The following PLXNA2 variants were observed in gnomAD, a reference collection of about 807,000 sequenced individuals.
The protein encoded by PLXNA2 is plexin-A2.
A neutral mutation model predicts 193.5 loss-of-function variants in PLXNA2; 91 were observed. That is an observed-to-expected ratio of 0.47 (90% CI 0.40 to 0.56). The LOEUF is 0.56. PLXNA2 is among the 20% of genes least tolerant of loss of function. The pLI is 0.00. For missense variants in PLXNA2, 1,995 were observed against 2,503.2 expected (o/e 0.80, Z 4.33); for synonymous variants, 997 against 1,027.3 (o/e 0.97, Z 0.56).
intron 3 of PLXNA2, among the ~76,000 whole-genome samples, chr1:208,144,741 C>G (rs755417975): frequency 1.1e-4 from 17 of 152,196 alleles, no homozygotes; most frequent in Non-Finnish European, 2.5e-4. Context: ...ATGCTCCGCT[C>G]TTGCCCTCTT....
At chr1:208,215,429 A>G (rs1313384947) in intron 2 of PLXNA2, among the ~76,000 whole-genome samples, 1 of 152,266 alleles carries the variant, frequency 6.6e-6, no homozygotes, top group South Asian at 2.1e-4. Flanking sequence ...AGAGGGATGA[A>G]TGGATAGATG....
rs1325148339 is a variant in PLXNA2 at position 208,052,364 on chromosome 1, C to T, written c.2956G>A (p.Ala986Thr). The T allele has an allele frequency of 1.9e-6, 3 of 1,613,626 alleles. No individual in the cohort carries two copies. In the Admixed American group the frequency reaches 5.0e-5, roughly 27 times the overall value. ...GHYLGAGSSV[A>T]VYLGNQTCEF... The stretch of plus-strand genomic sequence containing the variant: ...CAGGTCTGGTTGCCCAGGTAGACTG[C>T]CACGCTGCTCCCAGCCCCAAGGTAA... Residue 986 changes from alanine to threonine, a missense_variant, in exon 15 of 32, where the codon GCA (alanine) becomes ACA (threonine). Ala to Thr is a moderately conservative substitution (Grantham distance 58, BLOSUM62 0). Transcript: ENST00000367033.
At chr1:208,054,294 T>C (rs1263505313) in intron 14 of PLXNA2, 127 bp downstream of exon 14, 3 of 634,460 alleles carry the variant, frequency 4.7e-6, no homozygotes, top group Non-Finnish European at 8.5e-6. Context: ...ATCTGGAGGG[T>C]CCTTTTCTCC....
chr1:208,026,317 A>G lies in PLXNA2; in HGVS notation c.*926T>C, dbSNP rs1664340431. 6.6e-6 allele frequency: 1 copy of G among 152,194 alleles called. No homozygotes were observed. 9.4% of individuals were successfully genotyped at this position (152,194 alleles called of 1,614,324 possible). ...CCACCTCACCCCACTTCTCATAGTA[A>G]CTTTAGGGAAATTGAAAGGAAACAT... On this transcript the variant is annotated 3_prime_UTR_variant, in exon 32 of 32. Transcript: ENST00000367033.
intron 3 of PLXNA2, among the ~76,000 whole-genome samples, chr1:208,187,887 T>C (rs188518965): frequency 7.2e-4 from 109 of 152,320 alleles, no homozygotes; most frequent in African/African-American, 2.5e-3. Context: ...CTTTCACACG[T>C]ATCATCTCAC....
Position 208,038,774 on chromosome 1 carries a change from T to C in PLXNA2, c.4660+51A>G. 1.3e-6 allele frequency: 2 copies of C among 1,576,938 alleles called. No homozygotes were observed. Among genetic ancestry groups the C allele is most frequent in the Non-Finnish European group, 1.7e-6 (2 of 1,153,274 alleles). On this transcript the variant is annotated intron_variant, in intron 25 of 31. Coordinates refer to ENST00000367033, the MANE Select transcript of PLXNA2 (RefSeq NM_025179.4). This position sits in a 1 kb window ranked among gnomAD's most constrained non-coding sequence, Gnocchi z 4.1. ...AGGGTTGTGTGCATGGCAGCTTCCC[T>C]TCCTTCACCTCTCAACCCCTGCCCT...
intron 4 of PLXNA2, among the ~76,000 whole-genome samples, chr1:208,109,137 G>A (rs976874951): frequency 6.6e-6 from 1 of 152,226 alleles, no homozygotes; most frequent in Non-Finnish European, 1.5e-5. Context: ...TGGGAGCCAG[G>A]TGGCAGGGGT....
chr1:208,117,386 A>G (rs905249320), intron 4 of PLXNA2, among the ~76,000 whole-genome samples: 54 of 152,136 alleles, frequency 3.5e-4, no homozygotes, highest in Non-Finnish European at 6.2e-4. Context: ...CAGCTGCACA[A>G]TGGTGGCAGG....
rs1268007205 is a variant in PLXNA2, at chr1:208,060,845, A to G, written c.2587-8T>C. Reference sequence around the variant, plus strand: ...TCCAGACACCGTCAAAATCTGCAGGAGGGAAATGGGATTAGCAATTTGGTT... The same window carrying G: ...TCCAGACACCGTCAAAATCTGCAGGGGGGAAATGGGATTAGCAATTTGGTT... On this transcript the variant is annotated splice_region_variant and splice_polypyrimidine_tract_variant and intron_variant, in intron 12 of 31. Transcript: ENST00000367033. 33 of 1,613,360 alleles carry G rather than the reference A, an allele frequency of 2.0e-5. No homozygotes were observed. Among genetic ancestry groups the G allele is most frequent in the Non-Finnish European group, 2.7e-5 (32 of 1,179,694 alleles).
chr1:208,168,600 G>T (rs148139306), intron 3 of PLXNA2, among the ~76,000 whole-genome samples: 121 of 152,222 alleles, frequency 7.9e-4, no homozygotes, highest in African/African-American at 2.8e-3. Context: ...CATACAGCTA[G>T]CCTGGGATAT....
intron 12 of PLXNA2, among the ~76,000 whole-genome samples, chr1:208,074,467 G>A (rs1359729986): frequency 6.6e-6 from 1 of 152,208 alleles, no homozygotes; most frequent in Non-Finnish European, 1.5e-5. Flanking sequence ...CAGAAGGTAA[G>A]TCCTGAGGGG....
In PLXNA2 at chr1:208,192,554, G is replaced by A. The variant is rs530709100; in HGVS notation, c.1371+17726C>T. Among the ~76,000 whole-genome samples, 13 of 152,260 alleles carry A rather than the reference G, an allele frequency of 8.5e-5. No individual in the cohort carries two copies. In the South Asian group the frequency reaches 2.1e-3, roughly 24 times the overall value. On this transcript the variant is annotated intron_variant, in intron 3 of 31. Transcript: ENST00000367033. ...TGATTGAAGAAGGGTGGAGTTGGGA[G>A]TTGGGAGTGGCCTAGAACTCAAAGG...
At chr1:208,137,258 C>T (rs561400203) in intron 4 of PLXNA2, among the ~76,000 whole-genome samples, 39 of 152,178 alleles carry the variant, frequency 2.6e-4, no homozygotes, top group African/African-American at 3.9e-4. Context: ...TTTCACCCTT[C>T]GCTGGATCAT....
Position 208,236,976 on chromosome 1 carries a change from G to A in PLXNA2, c.-81+6667C>T, listed in dbSNP as rs944808179. On this transcript the variant is annotated intron_variant, in intron 1 of 31. Coordinates refer to ENST00000367033, the MANE Select transcript of PLXNA2 (RefSeq NM_025179.4). This position sits in a 1 kb window ranked among gnomAD's most constrained non-coding sequence, Gnocchi z 4.4. ...TGATGTGGCTCCCCCAGCCTCAGAC[G>A]AGGTGCAGGGAGAGCATGACCTTCC... Among the ~76,000 whole-genome samples the A allele has an allele frequency of 5.9e-5, 9 of 152,348 alleles. No homozygotes were observed. The highest frequency in any genetic ancestry group is 2.1e-4 in the South Asian group (1 of 4,830).
intron 4 of PLXNA2, among the ~76,000 whole-genome samples, chr1:208,108,843 A>G (rs957903830): frequency 1.3e-5 from 2 of 152,172 alleles, no homozygotes; most frequent in African/African-American, 4.8e-5. Context: ...GAGGACAGAG[A>G]GTGGCAGCTC....
intron 3 of PLXNA2, among the ~76,000 whole-genome samples, chr1:208,205,890 C>T (rs892063351): frequency 3.9e-5 from 6 of 152,188 alleles, no homozygotes; most frequent in African/African-American, 1.4e-4. Context: ...TCTTCCATAG[C>T]TTAATGGATA....
intron 4 of PLXNA2, among the ~76,000 whole-genome samples, chr1:208,141,669 C>G (rs1034467187): frequency 6.6e-6 from 1 of 152,126 alleles, no homozygotes; most frequent in Non-Finnish European, 1.5e-5. Context: ...CCCTGCCTTC[C>G]CTGCTTCTCT....
At chr1:208,222,882 C>T (rs939707204) in intron 1 of PLXNA2, among the ~76,000 whole-genome samples, 3 of 151,730 alleles carry the variant, frequency 2.0e-5, no homozygotes, top group Non-Finnish European at 4.4e-5. Flanking sequence ...CCACTTGCCA[C>T]TAACTCCATT....
chr1:208,025,706 T>A lies in PLXNA2; in HGVS notation c.*1537A>T, dbSNP rs547630844. ...CCTCTCGATGACTCCCACTGGCTTC[T>A]ATGGGGCCTTTGGACCTGGGCATGG... On this transcript the variant is annotated 3_prime_UTR_variant, in exon 32 of 32. Transcript: ENST00000367033. 9.2e-5 allele frequency: 14 copies of A among 152,412 alleles called. No individual in the cohort carries two copies. The highest frequency in any genetic ancestry group is 3.4e-4 in the African/African-American group (14 of 41,572). The allele number at this position is 152,412 out of a possible 1,614,324, so 9.4% of individuals were successfully genotyped here.
Sources: gnomAD v4.1 joint callset for allele counts (sites outside exome capture counted in the v4.1 genomes callset) on GRCh38, gnomAD v4.1.1 for gene constraint, Gnocchi (gnomAD v3.1) non-coding constraint, MANE v1.5 for transcripts, NCBI Gene and HGNC (gene_info 2026-07-23, HGNC 2026-07-21) for gene names.